Variants in ACOXL observed in about 807,000 individuals in gnomAD.
ACOXL encodes acyl-CoA oxidase like, also known as acyl-coenzyme A oxidase-like protein.
In ACOXL, 70 loss-of-function variants were observed where a neutral mutation model predicts 71.9. The ratio of observed to expected loss-of-function variants is 0.97; its 90% CI spans 0.80 to 1.19. ACOXL has a LOEUF of 1.19. Among genes scored for constraint, ACOXL ranks in the 50% most tolerant of loss-of-function variants. The probability of loss-of-function intolerance (pLI) is 0.00; values close to 1 mark genes in which losing one functional copy is unlikely to be tolerated. For missense variants in ACOXL, 703 were observed against 736.3 expected (o/e 0.95, Z 0.52); for synonymous variants, 253 against 281.6 (o/e 0.90, Z 1.02).
At position 110,869,882 on chromosome 2, in the gene ACOXL, G is replaced by C. The variant is rs118160667; in HGVS notation, c.788+28477G>C. On this transcript the variant is annotated intron_variant, in intron 10 of 17. Coordinates refer to ENST00000439055, the MANE Select transcript of ACOXL (RefSeq NM_001142807.4). ...CCTAGCCACTGCCAGCCCCTACCCAGATACCCTCCATTGTCAGATGGGCCT... is the reference window on the plus strand; with the variant it reads ...CCTAGCCACTGCCAGCCCCTACCCACATACCCTCCATTGTCAGATGGGCCT... Among the ~76,000 whole-genome samples the C allele has an allele frequency of 3.1e-4, 47 of 152,348 alleles. No homozygotes were observed. In the East Asian group the frequency reaches 5.2e-3, roughly 17 times the overall value.
At chr2:110,839,437 C>T (rs1690865875) in intron 9 of ACOXL, among the ~76,000 whole-genome samples, 1 of 152,214 alleles carries the variant, frequency 6.6e-6, no homozygotes. Flanking sequence ...TTGATTGTCT[C>T]TGAGGCATCT....
intron 14 of ACOXL, among the ~76,000 whole-genome samples, chr2:111,020,981 C>T (rs1208135018): frequency 6.6e-6 from 1 of 152,174 alleles, no homozygotes; most frequent in Non-Finnish European, 1.5e-5. Context: ...TCAATGCCAT[C>T]GATCACTTTG....
At chr2:111,063,419 A>C (rs954928340) in intron 16 of ACOXL, among the ~76,000 whole-genome samples, 9 of 152,326 alleles carry the variant, frequency 5.9e-5, no homozygotes, top group African/African-American at 1.7e-4. Flanking sequence ...GAGAAGAATT[A>C]TACACTGACC....
At chr2:110,910,436 T>C (rs878861922) in intron 11 of ACOXL, among the ~76,000 whole-genome samples, 1 of 152,254 alleles carries the variant, frequency 6.6e-6, no homozygotes, top group Admixed American at 6.5e-5. Flanking sequence ...TGAATATTCT[T>C]GTACAAGTGT....
intron 15 of ACOXL, among the ~76,000 whole-genome samples, chr2:111,046,251 G>GGAAGCGAGGC (rs1221046222): frequency 6.6e-6 from 1 of 152,214 alleles, no homozygotes; most frequent in African/African-American, 2.4e-5. Context: ...TCACTGATGA[G>GGAAGCGAGGC]GAAGCGAGGC....
intron 16 of ACOXL, among the ~76,000 whole-genome samples, chr2:111,080,726 A>C (rs1436543733): frequency 6.6e-6 from 1 of 152,188 alleles, no homozygotes; most frequent in Non-Finnish European, 1.5e-5. Flanking sequence ...ACAACAACAA[A>C]ATTTCAGGCC....
chr2:111,051,698 G>C (rs529837847), intron 16 of ACOXL, among the ~76,000 whole-genome samples: 1 of 152,260 alleles, frequency 6.6e-6, no homozygotes, highest in East Asian at 1.9e-4. Flanking sequence ...TTGAACTCCT[G>C]ACCTCAGGTG....
intron 14 of ACOXL, among the ~76,000 whole-genome samples, chr2:111,024,791 T>C (rs562633976): frequency 6.6e-6 from 1 of 152,036 alleles, no homozygotes; most frequent in South Asian, 2.1e-4. Context: ...CCTGTTCTCA[T>C]TGGCAAGGGA....
chr2:111,045,154 GC>G (rs1324466444), intron 15 of ACOXL, among the ~76,000 whole-genome samples: 1 of 152,210 alleles, frequency 6.6e-6, no homozygotes, highest in Non-Finnish European at 1.5e-5. Context: ...GGAGACTCAT[GC>G]CCCAGGGAGA....
intron 10 of ACOXL, among the ~76,000 whole-genome samples, chr2:110,894,042 A>G (rs190149030): frequency 6.6e-6 from 1 of 152,206 alleles, no homozygotes; most frequent in African/African-American, 2.4e-5. Context: ...TTATCAGTCA[A>G]TTTTCACACT....
intron 8 of ACOXL, among the ~76,000 whole-genome samples, chr2:110,803,964 A>G (rs1004087829): frequency 6.7e-6 from 1 of 148,578 alleles, no homozygotes; most frequent in Non-Finnish European, 1.5e-5. Flanking sequence ...TGTGAATACC[A>G]CTCTGCACCT....
intron 16 of ACOXL, among the ~76,000 whole-genome samples, chr2:111,050,621 G>C (rs983154499): frequency 6.6e-6 from 1 of 151,958 alleles, no homozygotes; most frequent in Non-Finnish European, 1.5e-5. Context: ...CTTCTCTCTT[G>C]TTCTTCTCCT....
intron 11 of ACOXL, among the ~76,000 whole-genome samples, chr2:110,911,193 T>G (rs998449483): frequency 6.6e-6 from 1 of 151,908 alleles, no homozygotes; most frequent in African/African-American, 2.4e-5. Flanking sequence ...ACATAGAAAA[T>G]TCTAATAAAC....
At chr2:110,793,816 G>A (rs755606765) in intron 4 of ACOXL, 80 bp downstream of exon 4, 2 of 1,155,068 alleles carry the variant, frequency 1.7e-6, no homozygotes, top group Non-Finnish European at 2.6e-6. Flanking sequence ...GTGTGTATGT[G>A]TTTGAAGAAA....
chr2:111,085,244 A>G (rs781597216), intron 16 of ACOXL, among the ~76,000 whole-genome samples: 1 of 152,172 alleles, frequency 6.6e-6, no homozygotes, highest in Non-Finnish European at 1.5e-5. Context: ...AGACATCTAC[A>G]CAACTCCCCA....
At chr2:111,093,406 G>A (rs904802922) in intron 17 of ACOXL, 32 of 1,599,648 alleles carry the variant, frequency 2.0e-5, no homozygotes, top group South Asian at 7.8e-5. Flanking sequence ...TATTCACCAC[G>A]AAAATGCTAC....
chr2:110,748,459 T>G (rs1474471190), intron 1 of ACOXL, among the ~76,000 whole-genome samples: 1 of 152,202 alleles, frequency 6.6e-6, no homozygotes, highest in Non-Finnish European at 1.5e-5. Flanking sequence ...CCCTGCTACC[T>G]TTGTAGACTT....
chr2:110,738,768 A>G (rs910863983), intron 1 of ACOXL, among the ~76,000 whole-genome samples: 14 of 151,502 alleles, frequency 9.2e-5, no homozygotes, highest in African/African-American at 3.4e-4. Flanking sequence ...GTCATCTGGA[A>G]CTCCTTTTGC....
chr2:110,756,251 C>T (rs1041969790), intron 1 of ACOXL, among the ~76,000 whole-genome samples: 1 of 152,092 alleles, frequency 6.6e-6, no homozygotes, highest in Non-Finnish European at 1.5e-5. Context: ...CTCAGCCTCC[C>T]GAGTAGCTGG....
Sources: allele counts gnomAD v4.1 joint callset (sites outside exome capture counted in the v4.1 genomes callset), GRCh38; gene constraint gnomAD v4.1.1; transcripts MANE v1.5; gene names NCBI Gene and HGNC (gene_info 2026-07-23, HGNC 2026-07-21).